ADAM32: variants seen among roughly 807,000 people sequenced by gnomAD.
ADAM32 encodes the protein ADAM metallopeptidase domain 32.
In ADAM32, 89 loss-of-function variants were observed where a neutral mutation model predicts 114.9. That is an observed-to-expected ratio of 0.77 (90% CI 0.65 to 0.92). The LOEUF is 0.92. ADAM32 is among the 40% of genes least tolerant of loss of function. The pLI is 0.00. For missense variants in ADAM32, 870 were observed against 932.8 expected (o/e 0.93, Z 0.88); for synonymous variants, 285 against 307.5 (o/e 0.93, Z 0.77).
chr8:39,215,757 A>G (rs894615050), intron 12 of ADAM32, among the ~76,000 whole-genome samples: 1 of 151,880 alleles, frequency 6.6e-6, no homozygotes, highest in Admixed American at 6.6e-5. Flanking sequence ...AAGATGCTTG[A>G]TATTATTTAA....
chr8:39,164,857 T>A lies in ADAM32; in HGVS notation c.666+22T>A, dbSNP rs759887279. ...TTCAGTAAGTGTTTTCCTTTTCATATTAAAATAATTGTTGTTTTGAAATGA... is the reference window on the plus strand; with the variant it reads ...TTCAGTAAGTGTTTTCCTTTTCATAATAAAATAATTGTTGTTTTGAAATGA... On this transcript the variant is annotated intron_variant, in intron 8 of 24. Coordinates refer to ENST00000379907, the MANE Select transcript of ADAM32 (RefSeq NM_145004.7). 19 of 1,583,626 alleles carry A rather than the reference T, an allele frequency of 1.2e-5. No homozygotes were observed. The Admixed American group carries it at 3.3e-4, about 28-fold the overall frequency.
At chr8:39,215,172 T>C (rs990922857) in intron 12 of ADAM32, among the ~76,000 whole-genome samples, 1 of 152,124 alleles carries the variant, frequency 6.6e-6, no homozygotes, top group Non-Finnish European at 1.5e-5. Flanking sequence ...TCTTTTGTGA[T>C]TCCATATAAA....
chr8:39,122,878 C>A (rs1488052434), intron 2 of ADAM32, among the ~76,000 whole-genome samples: 1 of 152,210 alleles, frequency 6.6e-6, no homozygotes, highest in Non-Finnish European at 1.5e-5. Flanking sequence ...CCTAAAATTT[C>A]TGTTGTTAAT....
chr8:39,195,740 A>T (rs535109167), intron 11 of ADAM32, among the ~76,000 whole-genome samples: 3 of 152,216 alleles, frequency 2.0e-5, no homozygotes, highest in Admixed American at 6.5e-5. Context: ...TTGGCTTTCT[A>T]TTCTGTTTCA....
chr8:39,237,913 T>C (rs1189942863), intron 16 of ADAM32, among the ~76,000 whole-genome samples: 1 of 152,188 alleles, frequency 6.6e-6, no homozygotes, highest in Non-Finnish European at 1.5e-5. Context: ...GTATTCCCCC[T>C]ATACTACTAC....
chr8:39,264,179 T>C (rs925404429), intron 19 of ADAM32, among the ~76,000 whole-genome samples: 1 of 152,164 alleles, frequency 6.6e-6, no homozygotes, highest in African/African-American at 2.4e-5. Flanking sequence ...GGTTAAATTG[T>C]GTGTCACTGG....
chr8:39,122,998 G>A (rs1360625851), intron 2 of ADAM32, among the ~76,000 whole-genome samples: 1 of 152,160 alleles, frequency 6.6e-6, no homozygotes, highest in Non-Finnish European at 1.5e-5. Flanking sequence ...CTAGCTCATA[G>A]TCTATGAGCC....
intron 23 of ADAM32, among the ~76,000 whole-genome samples, chr8:39,282,040 CT>C (rs1191385083): frequency 6.6e-6 from 1 of 152,140 alleles, no homozygotes; most frequent in Admixed American, 6.5e-5. Flanking sequence ...CATAAGCACC[CT>C]TTTACAGTCA....
At chr8:39,212,943 G>C (rs1808324333) in intron 12 of ADAM32, among the ~76,000 whole-genome samples, 1 of 152,000 alleles carries the variant, frequency 6.6e-6, no homozygotes, top group African/African-American at 2.4e-5. Flanking sequence ...CTATTCCAGT[G>C]GTTTTGTAGT....
intron 2 of ADAM32, chr8:39,131,941 TG>T: frequency 3.9e-6 from 1 of 253,496 alleles, no homozygotes; most frequent in South Asian, 3.3e-5. Context: ...TCGCTCAGGC[TG>T]GAGTGTAGTG....
chr8:39,126,637 T>G (rs1802133463), intron 2 of ADAM32, among the ~76,000 whole-genome samples: 1 of 152,196 alleles, frequency 6.6e-6, no homozygotes, highest in South Asian at 2.1e-4. Context: ...TTTGACTTCC[T>G]TTCTTCCTAT....
At chr8:39,159,333 A>G (rs1219841637) in intron 6 of ADAM32, among the ~76,000 whole-genome samples, 3 of 152,206 alleles carry the variant, frequency 2.0e-5, no homozygotes, top group Non-Finnish European at 2.9e-5. Context: ...GTTTTTACAG[A>G]TTGACTCTGG....
At chr8:39,243,411 C>T (rs956767971) in intron 16 of ADAM32, among the ~76,000 whole-genome samples, 5 of 152,164 alleles carry the variant, frequency 3.3e-5, no homozygotes, top group Non-Finnish European at 1.5e-5. Flanking sequence ...CTGAATGCAA[C>T]AGCATATCAA....
intron 20 of ADAM32, among the ~76,000 whole-genome samples, chr8:39,271,316 G>A (rs540399393): frequency 6.6e-6 from 1 of 152,274 alleles, no homozygotes; most frequent in African/African-American, 2.4e-5. Context: ...AAAAATTCCT[G>A]TAGCCTAGTG....
At position 39,157,874 on chromosome 8, in the gene ADAM32, A is replaced by G. The variant is rs1804237049; in HGVS notation, c.526-3023A>G. ...CCTTGATGAAGTAGCCCTGACTGATATTATAGATCTTCTTGTTGATCTCAG... is the reference window on the plus strand; with the variant it reads ...CCTTGATGAAGTAGCCCTGACTGATGTTATAGATCTTCTTGTTGATCTCAG... On this transcript the variant is annotated intron_variant, in intron 6 of 24. Transcript: ENST00000379907. 5.9e-6 allele frequency: 3 copies of G among 509,426 alleles called. No individual in the cohort carries two copies. The Admixed American group carries it at 7.6e-5, about 13-fold the overall frequency. 31.6% of individuals were successfully genotyped at this position (509,426 alleles called of 1,614,324 possible).
chr8:39,278,083 G>T (rs748673494), intron 22 of ADAM32, among the ~76,000 whole-genome samples: 5 of 152,176 alleles, frequency 3.3e-5, no homozygotes, highest in African/African-American at 1.2e-4. Context: ...CAGCGGGAAG[G>T]GGAGCTGAAA....
Position 39,233,997 on chromosome 8 carries a change from T to C in ADAM32, c.1733T>C (p.Val578Ala). ...ATTTATGCTTTCGTACGAGATTCTG[T>C]ATGCATAACTGTAGACTACAAATTG... The part of the protein sequence containing the change: ...DVIYAFVRDS[V>A]CITVDYKLPR... The change falls in exon 16 of 25, where the codon GTA becomes GCA. Residue 578 changes from valine to alanine, a missense_variant. Coordinates refer to ENST00000379907, the MANE Select transcript of ADAM32 (RefSeq NM_145004.7). The C allele has an allele frequency of 6.4e-7, 1 of 1,568,826 alleles. No individual in the cohort carries two copies. The highest frequency in any genetic ancestry group is 1.2e-5 in the South Asian group (1 of 84,096).
chr8:39,170,628 A>T (rs888127823), intron 10 of ADAM32, among the ~76,000 whole-genome samples: 1 of 152,014 alleles, frequency 6.6e-6, no homozygotes, highest in Non-Finnish European at 1.5e-5. Context: ...TTGAGTATAT[A>T]TATATAGGAA....
chr8:39,253,381 G>C (rs1485690027), intron 17 of ADAM32, among the ~76,000 whole-genome samples: 2 of 151,644 alleles, frequency 1.3e-5, no homozygotes, highest in Non-Finnish European at 3.0e-5. Flanking sequence ...AGGATACTCA[G>C]TCTCTGCACT....
Sources: gnomAD v4.1 joint callset for allele counts (sites outside exome capture counted in the v4.1 genomes callset) on GRCh38, gnomAD v4.1.1 for gene constraint, MANE v1.5 for transcripts, NCBI Gene and HGNC (gene_info 2026-07-23, HGNC 2026-07-21) for gene names.